Variants in SCRIB observed in about 807,000 individuals in gnomAD.
SCRIB encodes the protein scribble planar cell polarity protein.
A neutral mutation model predicts 170.0 loss-of-function variants in SCRIB; 72 were observed. The ratio of observed to expected loss-of-function variants is 0.42; its 90% CI spans 0.35 to 0.52. SCRIB has a LOEUF of 0.52. SCRIB is among the 20% of genes least tolerant of loss of function. The pLI is 0.02. For missense variants in SCRIB, 2,475 were observed against 2,338.5 expected (o/e 1.06, Z -1.20); for synonymous variants, 1,298 against 1,044.3 (o/e 1.24, Z -4.68).
chr8:143,809,457 C>T lies in SCRIB; in HGVS notation c.1698+94G>A, dbSNP rs372122020. 4,106 of 1,398,962 alleles carry T rather than the reference C, an allele frequency of 2.9e-3. 20 individuals carry two copies. The highest frequency in any genetic ancestry group is 0.011 in the South Asian group (850 of 78,708). The allele number at this position is 1,398,962 out of a possible 1,614,324, so 86.7% of individuals were successfully genotyped here. A position where few individuals can be genotyped will look rare whatever the true frequency, so the allele number is the denominator to read the frequency against. On this transcript the variant is annotated intron_variant, in intron 14 of 36. Coordinates refer to ENST00000356994, the MANE Select transcript of SCRIB (RefSeq NM_182706.5). ...AAGCATCAGCAGGGCCCAGGCACTGCCTGCACCAAAACCGATCCCAGCTGA... is the reference window on the plus strand; with the variant it reads ...AAGCATCAGCAGGGCCCAGGCACTGTCTGCACCAAAACCGATCCCAGCTGA...
intron 6 of SCRIB, 52 bp downstream of exon 6, chr8:143,813,259 C>G (rs377740746): frequency 8.8e-5 from 142 of 1,610,092 alleles, no homozygotes; most frequent in Non-Finnish European, 1.1e-4. Context: ...CTTCTTTGCC[C>G]TTGCTTCCGT....
At chr8:143,808,239 G>A (rs778037329) in intron 15 of SCRIB, among the ~76,000 whole-genome samples, 7 of 152,208 alleles carry the variant, frequency 4.6e-5, no homozygotes, top group South Asian at 2.1e-4. Flanking sequence ...TGTGAACTCC[G>A]TGCCCGCCAG....
chr8:143,793,296 C>T (rs1814790333), intron 28 of SCRIB: 1 of 459,044 alleles, frequency 2.2e-6, no homozygotes, highest in Non-Finnish European at 3.8e-6. Context: ...CTGGGGAGCC[C>T]CTTGGCCAGG....
In SCRIB at chr8:143,792,405, C is replaced by T; in HGVS notation, c.4329G>A (p.Arg1443=). ...PPWASPSPTS[R]QSPASPPPLG... is the part of the protein sequence containing the mutation. Reference sequence around the variant, plus strand: ...GGGGTGGGGGGGACGCCGGGCTCTGCCTGGGGAAGGGACAGGACGTGCTGT... The same window carrying T: ...GGGGTGGGGGGGACGCCGGGCTCTGTCTGGGGAAGGGACAGGACGTGCTGT... The change falls in exon 32 of 37, where the codon AGG becomes AGA. Residue 1443 remains arginine, a splice_region_variant and synonymous_variant. Transcript: ENST00000356994. The T allele has an allele frequency of 6.7e-7, 1 of 1,502,120 alleles. No individual in the cohort carries two copies. The highest frequency in any genetic ancestry group is 8.9e-7 in the Non-Finnish European group (1 of 1,129,150). 93.0% of individuals were successfully genotyped at this position (1,502,120 alleles called of 1,614,324 possible).
chr8:143,803,461 C>T lies in SCRIB; in HGVS notation c.3525G>A (p.Gln1175=), dbSNP rs782328682. The change falls in exon 24 of 37, where the codon CAG becomes CAA. Residue 1175 remains glutamine, a synonymous_variant. Transcript: ENST00000356994. ...LLGLTHGEAV[Q]LLRSVGDTLT... is the part of the protein sequence containing the mutation. The stretch of plus-strand genomic sequence containing the variant: ...GGGTGTCGCCCACACTGCGGAGCAG[C>T]TGCACCGCCTCGCCGTGCGTCAGGC... 6.3e-7 allele frequency: 1 copy of T among 1,598,350 alleles called. No individual in the cohort carries two copies. Among genetic ancestry groups the T allele is most frequent in the South Asian group, 1.1e-5 (1 of 90,518 alleles).
chr8:143,811,690 G>C (rs1815731463), intron 9 of SCRIB, among the ~76,000 whole-genome samples: 1 of 152,044 alleles, frequency 6.6e-6, no homozygotes, highest in South Asian at 2.1e-4. Flanking sequence ...TCATCCCTAG[G>C]GCTCCCCAGG....
At position 143,808,942 on chromosome 8, in the gene SCRIB, G is replaced by A. The variant is rs376390625; in HGVS notation, c.1782C>T (p.Thr594=). 2 of 1,612,652 alleles carry A rather than the reference G, an allele frequency of 1.2e-6. No homozygotes were observed. Among genetic ancestry groups the A allele is most frequent in the Middle Eastern group, 1.7e-4 (1 of 6,050 alleles). The change falls in exon 15 of 37, where the codon ACC becomes ACT. Residue 594 remains threonine, a synonymous_variant. Transcript: ENST00000356994. ...IEEGQPEAPW[T]LPGGRQRLIR... ...TGAGCCGCTGCCTCCCGCCTGGCAG[G>A]GTCCAGGGGGCCTCAGGCTGCCCCT... is the stretch of plus-strand genomic sequence containing the variant.
chr8:143,806,530 G>C, intron 17 of SCRIB, 46 bp from the exon 18 acceptor site: 2 of 1,446,952 alleles, frequency 1.4e-6, no homozygotes, highest in South Asian at 1.2e-5. Context: ...AGACGGGCCC[G>C]CATTCCTGCT....
Position 143,813,123 on chromosome 8 carries a change from A to T in SCRIB, c.568-19T>A. 2 of 1,572,798 alleles carry T rather than the reference A, an allele frequency of 1.3e-6. No individual in the cohort carries two copies. The highest frequency in any genetic ancestry group is 1.7e-6 in the Non-Finnish European group (2 of 1,157,586). ...TGTCTGGCTGCAAGAAGGAACAGAG[A>T]AAATAGTGACTATGAGGCAAAGCCT... On this transcript the variant is annotated intron_variant, in intron 6 of 36. Transcript: ENST00000356994.
At chr8:143,805,550 G>A (rs74358066) in intron 18 of SCRIB, 115 bp from the exon 19 acceptor site, 77,614 of 1,094,488 alleles carry the variant, frequency 0.071, 7,312 homozygotes, top group East Asian at 0.37. Flanking sequence ...AGGGCGAGGG[G>A]AAAGGCCCCA....
rs561356509 is a variant in SCRIB at position 143,815,244 on chromosome 8, G to A, written c.129C>T (p.Leu43=). 3.2e-5 allele frequency: 51 copies of A among 1,593,870 alleles called. No individual in the cohort carries two copies. In the East Asian group the frequency reaches 9.3e-4, roughly 29 times the overall value. Residue 43 remains leucine, a synonymous_variant, in exon 1 of 37, where the codon CTC becomes CTT. Coordinates refer to ENST00000356994, the MANE Select transcript of SCRIB (RefSeq NM_182706.5). The stretch of plus-strand genomic sequence containing the variant: ...GCAGCTCGCGCAGCTGGTTGGCGTC[G>A]AGCAGCAGCTCCTCCAGGCTGCGGC... ...RYSRSLEELL[L]DANQLRELPK...
In SCRIB at chr8:143,809,040, G is replaced by A. The variant is rs757020422; in HGVS notation, c.1699-15C>T. On this transcript the variant is annotated splice_polypyrimidine_tract_variant and intron_variant, in intron 14 of 36. Transcript: ENST00000356994. ...TGCACCGTGGGCTGTGCGGACAAAA[G>A]GGTGAGGGTGGCCCCAGCTCTGTGG... 3.0e-5 allele frequency: 48 copies of A among 1,598,846 alleles called. No homozygotes were observed. Among genetic ancestry groups the A allele is most frequent in the Non-Finnish European group, 3.8e-5 (45 of 1,172,530 alleles).
intron 35 of SCRIB, 51 bp downstream of exon 35, chr8:143,791,615 T>G: frequency 1.3e-6 from 2 of 1,528,190 alleles, no homozygotes; most frequent in Non-Finnish European, 1.8e-6. Context: ...ATGGGGGCGG[T>G]GGCAGGCACG....
chr8:143,811,823 A>G (rs4875058), intron 9 of SCRIB, among the ~76,000 whole-genome samples: 151,965 of 152,248 alleles, frequency 1, 75,841 homozygotes, highest in Middle Eastern at 1. Flanking sequence ...CCCTCCCCAC[A>G]GCTAGCTCCT....
chr8:143,809,715 TCTC>T lies in SCRIB; in HGVS notation c.1531_1533del (p.Glu511del). On this transcript the variant is annotated inframe_deletion and splice_region_variant, in exon 14 of 37. Transcript: ENST00000356994. Reference sequence around the variant, plus strand: ...AGGCCAGACTCGGCACTCAGCCGCTTCTCCTGCGGCGGGAAGTGGGGTCAGGCT... The same window carrying T: ...AGGCCAGACTCGGCACTCAGCCGCTTCTGCGGCGGGAAGTGGGGTCAGGCT... 6.2e-7 allele frequency: 1 copy of T among 1,607,726 alleles called. No homozygotes were observed. Among genetic ancestry groups the T allele is most frequent in the Non-Finnish European group, 8.5e-7 (1 of 1,178,890 alleles).
chr8:143,806,305 C>G lies in SCRIB; in HGVS notation c.2346+102G>C, dbSNP rs1815421549. 4.3e-6 allele frequency: 4 copies of G among 921,296 alleles called. No homozygotes were observed. In the East Asian group the frequency reaches 1.0e-4, roughly 24 times the overall value. 57.1% of individuals were successfully genotyped at this position (921,296 alleles called of 1,614,324 possible). A position where few individuals can be genotyped will look rare whatever the true frequency, so the allele number is the denominator to read the frequency against. The stretch of plus-strand genomic sequence containing the variant: ...GTCTGGGTGTCCTGTGCTTGGAACT[C>G]TTGGGGAGGCCGGGAGAAGGCAGCC... On this transcript the variant is annotated intron_variant, in intron 18 of 36. Transcript: ENST00000356994.
chr8:143,803,264 A>T, intron 24 of SCRIB, 119 bp downstream of exon 24: 2 of 964,270 alleles, frequency 2.1e-6, no homozygotes, highest in Non-Finnish European at 3.0e-6. Flanking sequence ...AGAGCCGCAG[A>T]GCACCGCCCA....
intron 27 of SCRIB, 102 bp from the exon 28 acceptor site, chr8:143,794,064 C>T (rs1161546130): frequency 2.8e-6 from 3 of 1,075,180 alleles, no homozygotes; most frequent in Non-Finnish European, 4.1e-6. Flanking sequence ...CACAGCAGCT[C>T]TTCAGTTCCC....
At chr8:143,813,555 G>A (rs1398555776) in intron 4 of SCRIB, 29 bp from the exon 5 acceptor site, 1 of 1,613,210 alleles carries the variant, frequency 6.2e-7, no homozygotes, top group Non-Finnish European at 8.5e-7. Context: ...GCTGGGGCAA[G>A]AGGAAGGAAA....
Sources: allele counts gnomAD v4.1 joint callset (sites outside exome capture counted in the v4.1 genomes callset), GRCh38; gene constraint gnomAD v4.1.1; transcripts MANE v1.5; gene names NCBI Gene and HGNC (gene_info 2026-07-23, HGNC 2026-07-21).